The following SLC14A1 variants were observed in gnomAD, a reference collection of about 807,000 sequenced individuals.
SLC14A1 encodes urea transporter 1.
A neutral mutation model predicts 39.6 loss-of-function variants in SLC14A1; 36 were observed. The ratio of observed to expected loss-of-function variants is 0.91; its 90% CI spans 0.70 to 1.20. The LOEUF is 1.20. Among genes scored for constraint, SLC14A1 ranks in the 50% most tolerant of loss-of-function variants. The probability of loss-of-function intolerance (pLI) is 0.00; values close to 1 mark genes in which losing one functional copy is unlikely to be tolerated. For synonymous variants in SLC14A1, 164 were observed against 173.6 expected, an observed-to-expected ratio of 0.94 and a Z score of 0.43; for missense variants, 469 against 478.7, an observed-to-expected ratio of 0.98 and a Z score of 0.19.
chr18:45,743,841 C>T (rs1175175888), intron 8 of SLC14A1, among the ~76,000 whole-genome samples: 2 of 152,322 alleles, frequency 1.3e-5, no homozygotes, highest in East Asian at 3.9e-4. Flanking sequence ...CCTGCCTTTA[C>T]TTCCTCTGAG....
intron 8 of SLC14A1, among the ~76,000 whole-genome samples, chr18:45,743,795 T>C (rs509582): frequency 0.93 from 140,928 of 152,218 alleles, 65,263 homozygotes; most frequent in East Asian, 1. Context: ...TTTATCAACA[T>C]CTGTATCTTC....
intron 2 of SLC14A1, among the ~76,000 whole-genome samples, chr18:45,728,747 T>C (rs28994282): frequency 0.01 from 1,542 of 152,354 alleles, 29 homozygotes; most frequent in African/African-American, 0.035. Flanking sequence ...CCAAGATTCA[T>C]TGCAAGTCAC....
Position 45,739,308 on chromosome 18 carries a change from C to G in SLC14A1, c.809C>G (p.Ala270Gly). The G allele has an allele frequency of 6.2e-7, 1 of 1,614,116 alleles. No individual in the cohort carries two copies. Among genetic ancestry groups the G allele is most frequent in the Non-Finnish European group, 8.5e-7 (1 of 1,180,002 alleles). ...AAIGSLLGIA[A>G]GLSLSAPFED... ...ATAGGATCATTGCTGGGCATAGCAGCGGGTGAGCACAAGAGCCCTTACCAA... is the reference window on the plus strand; with the variant it reads ...ATAGGATCATTGCTGGGCATAGCAGGGGGTGAGCACAAGAGCCCTTACCAA... Residue 270 changes from alanine (A) to glycine (G), a missense_variant and splice_region_variant, in exon 7 of 10, where the codon GCG becomes GGG. Transcript: ENST00000321925.
At chr18:45,726,777 T>G (rs530767712) in intron 2 of SLC14A1, 1 of 154,778 alleles carries the variant, frequency 6.5e-6, no homozygotes, top group South Asian at 2.0e-4. Flanking sequence ...GCCCACATCA[T>G]GCATCCTTCT....
intron 2 of SLC14A1, chr18:45,729,457 AAC>A (rs1332664798): frequency 1.3e-5 from 2 of 152,210 alleles, no homozygotes; most frequent in East Asian, 3.8e-4. Context: ...TCTCATAGTG[AAC>A]ACAGTCATGG....
chr18:45,736,985 GGTTTT>G (rs2047217356), intron 6 of SLC14A1, among the ~76,000 whole-genome samples: 1 of 152,114 alleles, frequency 6.6e-6, no homozygotes, highest in Non-Finnish European at 1.5e-5. Context: ...CCTCCAGCCT[GGTTTT>G]AAATCTTCCA....
chr18:45,740,236 C>T (rs959230612), intron 8 of SLC14A1, among the ~76,000 whole-genome samples: 1 of 152,172 alleles, frequency 6.6e-6, no homozygotes, highest in African/African-American at 2.4e-5. Flanking sequence ...GGGAATAACT[C>T]CAGCTAAATA....
At chr18:45,740,121 A>C (rs1246413309) in intron 8 of SLC14A1, among the ~76,000 whole-genome samples, 1 of 152,196 alleles carries the variant, frequency 6.6e-6, no homozygotes. Flanking sequence ...AGGATCTGCC[A>C]TGCCTCCCAC....
In SLC14A1 at chr18:45,750,127, G is replaced by T. The variant is rs1180507308; in HGVS notation, c.*176G>T. On this transcript the variant is annotated 3_prime_UTR_variant, in exon 10 of 10. Coordinates refer to ENST00000321925, the MANE Select transcript of SLC14A1 (RefSeq NM_015865.7). Reference sequence around the variant, plus strand: ...TCCTTTCAACTCCAGGAATATCCTTGAGCATATGAGAGTCACATCCAGGTG... The same window carrying T: ...TCCTTTCAACTCCAGGAATATCCTTTAGCATATGAGAGTCACATCCAGGTG... 1.4e-6 allele frequency: 2 copies of T among 1,480,122 alleles called. No individual in the cohort carries two copies. Among genetic ancestry groups the T allele is most frequent in the Non-Finnish European group, 1.8e-6 (2 of 1,122,038 alleles). 91.7% of individuals were successfully genotyped at this position (1,480,122 alleles called of 1,614,324 possible). A position where few individuals can be genotyped will look rare whatever the true frequency, so the allele number is the denominator to read the frequency against.
rs1436983981 is a variant in SLC14A1 at position 45,739,200 on chromosome 18, A to G, written c.701A>G (p.Tyr234Cys). ...ATACCAGTGGGAGTTGGTCAGATCT[A>G]TGGCTGTGATAATCCATGGACAGGG... ...KSIPVGVGQI[Y>C]GCDNPWTGGI... The change falls in exon 7 of 10, where the codon TAT (tyrosine) becomes TGT (cysteine). Residue 234 changes from tyrosine (Y) to cysteine (C), a missense_variant. Coordinates refer to ENST00000321925, the MANE Select transcript of SLC14A1 (RefSeq NM_015865.7). 8 of 1,614,098 alleles carry G rather than the reference A, an allele frequency of 5.0e-6. No individual in the cohort carries two copies. The highest frequency in any genetic ancestry group is 1.3e-5 in the African/African-American group (1 of 75,002).
intron 4 of SLC14A1, 48 bp downstream of exon 4, chr18:45,731,252 G>C (rs141409831): frequency 2.6e-6 from 4 of 1,555,956 alleles, no homozygotes; most frequent in Middle Eastern, 2.2e-4. Context: ...GAGACACAGG[G>C]GCTGACCAGT....
intron 2 of SLC14A1, among the ~76,000 whole-genome samples, chr18:45,726,044 C>A (rs1051152048): frequency 6.6e-6 from 1 of 152,086 alleles, no homozygotes; most frequent in Admixed American, 6.6e-5. Context: ...TTGTTTTTAG[C>A]TTTATATAAC....
chr18:45,751,354 A>AC lies in SLC14A1; in HGVS notation c.*1403_*1404insC, dbSNP rs1555650645. On this transcript the variant is annotated 3_prime_UTR_variant, in exon 10 of 10. Transcript: ENST00000321925. ...AAACTGTGTCTCTCAAAAAAAAAAA[A>AC]AAACAAACAAAAACAAAAACAAAAC... 4.8e-4 allele frequency: 419 copies of AC among 870,876 alleles called. 2 individuals carry two copies. In the African/African-American group the frequency reaches 7.8e-3, roughly 16 times the overall value. The allele number at this position is 870,876 out of a possible 1,614,324, so 53.9% of individuals were successfully genotyped here. A position where few individuals can be genotyped will look rare whatever the true frequency, so the allele number is the denominator to read the frequency against.
chr18:45,731,430 A>G, intron 4 of SLC14A1: 1 of 600,508 alleles, frequency 1.7e-6, no homozygotes. Flanking sequence ...TTCTTGTGGC[A>G]TTACGTGCTA....
At chr18:45,729,802 A>G (rs370432705) in intron 2 of SLC14A1, 1 of 152,312 alleles carries the variant, frequency 6.6e-6, no homozygotes, top group Non-Finnish European at 1.5e-5. Context: ...AACTTTTTAT[A>G]AAATAAAAAT....
At chr18:45,743,790 C>G (rs2047461411) in intron 8 of SLC14A1, among the ~76,000 whole-genome samples, 3 of 152,162 alleles carry the variant, frequency 2.0e-5, no homozygotes, top group Admixed American at 6.5e-5. Context: ...TTAAGTTTAT[C>G]AACATCTGTA....
chr18:45,727,450 G>A, intron 2 of SLC14A1: 1 of 1,525,498 alleles, frequency 6.6e-7, no homozygotes, highest in South Asian at 1.2e-5. Context: ...TCTGGCTCGG[G>A]GAACCTGGGA....
At chr18:45,737,121 C>G (rs1330440437) in intron 6 of SLC14A1, among the ~76,000 whole-genome samples, 1 of 152,154 alleles carries the variant, frequency 6.6e-6, no homozygotes, top group Non-Finnish European at 1.5e-5. Flanking sequence ...TTAGGGTTCC[C>G]AAGCTTTGGT....
rs539969308 is a variant in SLC14A1, at chr18:45,737,418, A to G, written c.663+770A>G. On this transcript the variant is annotated intron_variant, in intron 6 of 9. Coordinates refer to ENST00000321925, the MANE Select transcript of SLC14A1 (RefSeq NM_015865.7). Reference sequence around the variant, plus strand: ...ATATGTTTAAGGTTTCTGGATTATCAAGAACAAGAGAACACCTGAAATTAG... The same window carrying G: ...ATATGTTTAAGGTTTCTGGATTATCGAGAACAAGAGAACACCTGAAATTAG... The G allele has an allele frequency of 1.4e-4, 22 of 152,428 alleles. No individual in the cohort carries two copies. The South Asian group carries it at 4.6e-3, about 32-fold the overall frequency. 9.4% of individuals were successfully genotyped at this position (152,428 alleles called of 1,614,324 possible). A position where few individuals can be genotyped will look rare whatever the true frequency, so the allele number is the denominator to read the frequency against.
Sources: gnomAD v4.1 joint callset for allele counts (sites outside exome capture counted in the v4.1 genomes callset) on GRCh38, gnomAD v4.1.1 for gene constraint, MANE v1.5 for transcripts, NCBI Gene and HGNC (gene_info 2026-07-23, HGNC 2026-07-21) for gene names.